Variants in CRTAC1 observed in about 807,000 individuals in gnomAD.
The protein encoded by CRTAC1 is cartilage acidic protein 1, also known as acidic secreted protein in cartilage.
Under a neutral mutation model 67.8 loss-of-function variants are expected in CRTAC1, and 37 were observed. The ratio of observed to expected loss-of-function variants is 0.55; its 90% CI spans 0.42 to 0.72. The LOEUF (loss-of-function observed/expected upper bound fraction) is 0.72. CRTAC1 is among the 30% of genes least tolerant of loss of function. CRTAC1 has a pLI of 0.00. For missense variants in CRTAC1, 780 were observed against 931.6 expected, an observed-to-expected ratio of 0.84 and a Z score of 2.12; for synonymous variants, 348 against 371.0, an observed-to-expected ratio of 0.94 and a Z score of 0.71.
rs751702942 is a variant in CRTAC1 at position 97,880,370 on chromosome 10, G to A, written c.1698C>T (p.Phe566=). 3.1e-6 allele frequency: 5 copies of A among 1,613,956 alleles called. No individual in the cohort carries two copies. Among genetic ancestry groups the A allele is most frequent in the Non-Finnish European group, 4.2e-6 (5 of 1,179,920 alleles). Residue 566 remains phenylalanine (F), a synonymous_variant, in exon 14 of 15, where the codon TTC becomes TTT. Coordinates refer to ENST00000370597, the MANE Select transcript of CRTAC1 (RefSeq NM_018058.7). ...HCMDTNECIQ[F]PFVCPRDKPV... ...GCTTGTCTCGAGGGCACACGAATGGGAACTGGATGCATTCATTGGTGTCTG... is the reference window on the plus strand; with the variant it reads ...GCTTGTCTCGAGGGCACACGAATGGAAACTGGATGCATTCATTGGTGTCTG...
At chr10:98,016,781 A>G (rs1843006738) in intron 1 of CRTAC1, among the ~76,000 whole-genome samples, 1 of 152,146 alleles carries the variant, frequency 6.6e-6, no homozygotes, top group South Asian at 2.1e-4. Flanking sequence ...GGAAGCTGCA[A>G]TCTGATTTGA....
At chr10:97,959,819 T>C (rs2051497979) in intron 2 of CRTAC1, among the ~76,000 whole-genome samples, 1 of 152,202 alleles carries the variant, frequency 6.6e-6, no homozygotes, top group Non-Finnish European at 1.5e-5. Flanking sequence ...ACCAGGTGCC[T>C]TCCCTATTGA....
intron 2 of CRTAC1, among the ~76,000 whole-genome samples, chr10:98,005,081 C>CATATATATATATATATATATATATAT (rs1321278482): frequency 1.8e-5 from 1 of 54,612 alleles, no homozygotes; most frequent in African/African-American, 7.1e-5. Context: ...TAAAGTAATA[C>CATATATATATATATATATATATATAT]ATATATATAT....
intron 2 of CRTAC1, among the ~76,000 whole-genome samples, chr10:97,958,188 C>T (rs749364645): frequency 1.2e-4 from 19 of 152,118 alleles, no homozygotes; most frequent in Non-Finnish European, 2.5e-4. Flanking sequence ...AACCTCCTGG[C>T]TCCCTCAGCC....
At chr10:97,878,320 T>C (rs2050169998) in intron 14 of CRTAC1, 1 of 191,894 alleles carries the variant, frequency 5.2e-6, no homozygotes, top group African/African-American at 2.4e-5. Context: ...TCAGGGAAAT[T>C]GTAGCTGTTT....
intron 2 of CRTAC1, among the ~76,000 whole-genome samples, chr10:97,944,840 C>G (rs1327716917): frequency 1.3e-5 from 2 of 152,192 alleles, no homozygotes; most frequent in African/African-American, 4.8e-5. Context: ...AAAGCTAGCC[C>G]TATGGAGAGG....
intron 2 of CRTAC1, among the ~76,000 whole-genome samples, chr10:97,973,392 C>A (rs769150211): frequency 1.3e-5 from 2 of 152,018 alleles, no homozygotes; most frequent in Non-Finnish European, 1.5e-5. Flanking sequence ...GCCCCCCACC[C>A]CGGCCCCCTT....
chr10:97,970,599 C>T (rs960066862), intron 2 of CRTAC1, among the ~76,000 whole-genome samples: 9 of 152,194 alleles, frequency 5.9e-5, no homozygotes, highest in African/African-American at 2.2e-4. Flanking sequence ...CCTCGGGTTG[C>T]CTCAAACTCC....
At chr10:97,936,391 GC>G in intron 2 of CRTAC1, 25 bp from the exon 3 acceptor site, 1 of 1,584,898 alleles carries the variant, frequency 6.3e-7, no homozygotes, top group Non-Finnish European at 8.6e-7. Context: ...GGGAGGGGAT[GC>G]TGGGGAGGAG....
chr10:97,975,963 A>G lies in CRTAC1; in HGVS notation c.224+35175T>C, dbSNP rs1272509202. 1.3e-5 allele frequency among the ~76,000 whole-genome samples: 2 copies of G among 152,138 alleles called. No individual in the cohort carries two copies. The highest frequency in any genetic ancestry group is 2.9e-5 in the Non-Finnish European group (2 of 68,014). The stretch of plus-strand genomic sequence containing the variant: ...CCACATCTTACATCTTCGGGCCCCT[A>G]TAGAGACCACTGACGTGGAGCCCCC... On this transcript the variant is annotated intron_variant, in intron 2 of 14. Transcript: ENST00000370597. This position sits in a 1 kb window ranked among gnomAD's most constrained non-coding sequence, Gnocchi z 4.8.
At chr10:97,880,647 A>G (rs960715140) in intron 13 of CRTAC1, among the ~76,000 whole-genome samples, 4 of 152,114 alleles carry the variant, frequency 2.6e-5, no homozygotes, top group East Asian at 1.9e-4. Flanking sequence ...CTCTTCATGC[A>G]TGGATGATTC....
Position 97,900,132 on chromosome 10 carries a change from T to C in CRTAC1, c.1133+1371A>G, listed in dbSNP as rs979408648. On this transcript the variant is annotated intron_variant, in intron 8 of 14. Transcript: ENST00000370597. ...GGGTGATTCTGATGCCAATGGTCTC[T>C]GGACGTCCCCTTGGAGAAATATTGC... Among the ~76,000 whole-genome samples the C allele has an allele frequency of 4.6e-5, 7 of 152,370 alleles. No homozygotes were observed. In the South Asian group the frequency reaches 8.3e-4, roughly 18 times the overall value.
chr10:97,934,151 G>C (rs1029566546), intron 3 of CRTAC1, among the ~76,000 whole-genome samples: 4 of 152,126 alleles, frequency 2.6e-5, no homozygotes, highest in Non-Finnish European at 5.9e-5. Flanking sequence ...AGTTCTCCTC[G>C]CTCCAGCTTC....
intron 3 of CRTAC1, among the ~76,000 whole-genome samples, chr10:97,932,589 C>T (rs1308679936): frequency 1.3e-5 from 2 of 151,972 alleles, no homozygotes; most frequent in African/African-American, 4.8e-5. Flanking sequence ...GGAGGAGGGG[C>T]CTGAATGAAG....
chr10:97,896,984 G>A lies in CRTAC1; in HGVS notation c.1141C>T (p.Arg381Cys), dbSNP rs771418948. Reference sequence around the variant, plus strand: ...ATGAGGGGGTCTCCGTGCTCTCTACGGATGACGCTGCAGGAGAGGAGACAG... The same window carrying A: ...ATGAGGGGGTCTCCGTGCTCTCTACAGATGACGCTGCAGGAGAGGAGACAG... Reference protein sequence around the residue: ...SSANRLFRVIRREHGDPLIEE... With the variant: ...SSANRLFRVICREHGDPLIEE... The change falls in exon 9 of 15, where the codon CGT (arginine) becomes TGT (cysteine). Residue 381 changes from arginine to cysteine, a missense_variant. By Grantham distance (180) the Arg-to-Cys change is radical. Transcript: ENST00000370597. The A allele has an allele frequency of 3.2e-6, 5 of 1,556,634 alleles. No homozygotes were observed. The highest frequency in any genetic ancestry group is 4.4e-6 in the Non-Finnish European group (5 of 1,149,308).
chr10:97,905,964 G>A (rs977432478), intron 6 of CRTAC1, among the ~76,000 whole-genome samples: 63 of 152,278 alleles, frequency 4.1e-4, no homozygotes, highest in African/African-American at 1.3e-3. Context: ...AGGTGAATGC[G>A]ACTCTAAGCA....
chr10:97,914,540 G>A (rs2136584060), intron 5 of CRTAC1, among the ~76,000 whole-genome samples: 1 of 152,334 alleles, frequency 6.6e-6, no homozygotes, highest in Non-Finnish European at 1.5e-5. Flanking sequence ...GCACAGGGTA[G>A]GCTGGACCTG....
rs975410940 is a variant in CRTAC1, at chr10:98,013,597, G to A, written c.25-2260C>T. Among the ~76,000 whole-genome samples the A allele has an allele frequency of 5.3e-5, 8 of 152,118 alleles. No individual in the cohort carries two copies. The East Asian group carries it at 1.3e-3, about 26-fold the overall frequency. ...TTAAAACAAGTCACAACCTCTTTGGGTCTCAGCTTTCTTCTCCAAAATAAA... is the reference window on the plus strand; with the variant it reads ...TTAAAACAAGTCACAACCTCTTTGGATCTCAGCTTTCTTCTCCAAAATAAA... On this transcript the variant is annotated intron_variant, in intron 1 of 14. Transcript: ENST00000370597.
chr10:97,977,346 C>T (rs1270399848), intron 2 of CRTAC1, among the ~76,000 whole-genome samples: 4 of 152,156 alleles, frequency 2.6e-5, no homozygotes, highest in Non-Finnish European at 5.9e-5. Flanking sequence ...CTGTCTGGCA[C>T]GTGAGCAAGA....
Sources: gnomAD v4.1 joint callset for allele counts (sites outside exome capture counted in the v4.1 genomes callset) on GRCh38, gnomAD v4.1.1 for gene constraint, Gnocchi (gnomAD v3.1) non-coding constraint, MANE v1.5 for transcripts, NCBI Gene and HGNC (gene_info 2026-07-23, HGNC 2026-07-21) for gene names.